The following SMC1A variants were observed in gnomAD, a reference collection of about 807,000 sequenced individuals.
SMC1A encodes structural maintenance of chromosomes protein 1A.
In SMC1A, 4 loss-of-function variants were observed where a neutral mutation model predicts 94.5. The observed-to-expected ratio is 0.04, with a 90% CI of 0.02 to 0.10. SMC1A has a LOEUF of 0.10. SMC1A is among the 10% of genes least tolerant of loss of function. The probability of loss-of-function intolerance (pLI) is 1.00; values close to 1 mark genes in which losing one functional copy is unlikely to be tolerated. For synonymous variants in SMC1A, 345 were observed against 347.7 expected, an observed-to-expected ratio of 0.99 and a Z score of 0.09; for missense variants, 304 against 989.0, an observed-to-expected ratio of 0.31 and a Z score of 9.29.
chrX:53,404,630 A>T (rs1556889385), intron 13 of SMC1A, among the ~76,000 whole-genome samples: 1 of 110,879 alleles, frequency 9.0e-6, no homozygotes, highest in East Asian at 2.8e-4. Context: ...AGTAGCTGGG[A>T]TTACAGGCGC....
chrX:53,404,901 G>A lies in SMC1A; in HGVS notation c.2196+111C>T, dbSNP rs958416050. The A allele has an allele frequency of 3.6e-5, 33 of 906,851 alleles. 1 individual carries two copies. The Admixed American group carries it at 4.2e-4, about 12-fold the overall frequency. 74.7% of individuals were successfully genotyped at this position (906,851 alleles called of 1,213,427 possible). A position where few individuals can be genotyped will look rare whatever the true frequency, so the allele number is the denominator to read the frequency against. Reference sequence around the variant, plus strand: ...CTCTATGCTATACCTGACTCCCTGCGGCAGGCTGGGAGGAGACGGGGAAGT... The same window carrying A: ...CTCTATGCTATACCTGACTCCCTGCAGCAGGCTGGGAGGAGACGGGGAAGT... On this transcript the variant is annotated intron_variant, in intron 13 of 24. Transcript: ENST00000322213.
chrX:53,406,478 A>G (rs2075691482), intron 9 of SMC1A, among the ~76,000 whole-genome samples: 1 of 112,175 alleles, frequency 8.9e-6, no homozygotes, highest in African/African-American at 3.2e-5. Flanking sequence ...AGAGGTTCAG[A>G]GCAAGAGATG....
chrX:53,385,516 C>T (rs2075601489), intron 19 of SMC1A, among the ~76,000 whole-genome samples: 2 of 109,344 alleles, frequency 1.8e-5, no homozygotes, highest in African/African-American at 3.3e-5. Context: ...CCTCGTGATC[C>T]GCCCGCCTAG....
At chrX:53,407,752 T>C (rs1556889959) in intron 9 of SMC1A, among the ~76,000 whole-genome samples, 1 of 111,401 alleles carries the variant, frequency 9.0e-6, no homozygotes. Flanking sequence ...TTGCTTGGTG[T>C]GTGAGGAAAA....
chrX:53,401,445 CTG>C (rs1355915117), intron 15 of SMC1A, among the ~76,000 whole-genome samples: 1 of 112,239 alleles, frequency 8.9e-6, no homozygotes, highest in Non-Finnish European at 1.9e-5. Flanking sequence ...CACAAATCTA[CTG>C]TGTTATAAAT....
At chrX:53,404,457 A>C (rs2075683468) in intron 13 of SMC1A, among the ~76,000 whole-genome samples, 1 of 110,863 alleles carries the variant, frequency 9.0e-6, no homozygotes, top group South Asian at 3.8e-4. Flanking sequence ...TAAGCACTTT[A>C]CATGTTAACT....
chrX:53,400,490 G>T (rs1425564333), intron 15 of SMC1A, among the ~76,000 whole-genome samples: 1 of 111,511 alleles, frequency 9.0e-6, no homozygotes, highest in African/African-American at 3.3e-5. Flanking sequence ...ACCACACCGA[G>T]TCCACGATAA....
chrX:53,399,824 G>C, intron 15 of SMC1A, 94 bp from the exon 16 acceptor site: 1 of 917,712 alleles, frequency 1.1e-6, no homozygotes, highest in South Asian at 2.2e-5. Flanking sequence ...AGGGAAACTA[G>C]ACCCAGGGCT....
chrX:53,418,818 G>A (rs1183914409), intron 1 of SMC1A, among the ~76,000 whole-genome samples: 2 of 111,346 alleles, frequency 1.8e-5, no homozygotes, highest in African/African-American at 3.2e-5. Flanking sequence ...CGAGGCAGGC[G>A]GATCACCTGA....
Position 53,378,491 on chromosome X carries a change from A to G in SMC1A, c.*1612T>C, listed in dbSNP as rs1215225375. The G allele has an allele frequency of 8.9e-6, 1 of 112,575 alleles. No individual in the cohort carries two copies. The highest frequency in any genetic ancestry group is 1.9e-5 in the Non-Finnish European group (1 of 53,322). The allele number at this position is 112,575 out of a possible 1,213,427, so 9.3% of individuals were successfully genotyped here. A position where few individuals can be genotyped will look rare whatever the true frequency, so the allele number is the denominator to read the frequency against. On this transcript the variant is annotated 3_prime_UTR_variant, in exon 25 of 25. Transcript: ENST00000322213. ...ATATATCATTTGCATTAAACACACA[A>G]TATTTCCAATGAGTTCACATATGTA...
chrX:53,396,123 C>T (rs2075650164), intron 18 of SMC1A, 104 bp downstream of exon 18: 1 of 939,932 alleles, frequency 1.1e-6, no homozygotes, highest in East Asian at 3.1e-5. Flanking sequence ...TCACCATCTG[C>T]CCACCATCTT....
chrX:53,414,487 G>A (rs1290079304), intron 3 of SMC1A, among the ~76,000 whole-genome samples: 1 of 111,946 alleles, frequency 8.9e-6, no homozygotes, highest in East Asian at 2.8e-4. Flanking sequence ...GATACTGCTG[G>A]TCTGGAGACT....
chrX:53,382,725 C>T, intron 20 of SMC1A, 65 bp from the exon 21 acceptor site: 2 of 1,159,631 alleles, frequency 1.7e-6, no homozygotes, highest in Admixed American at 4.4e-5. Flanking sequence ...AATGACAATC[C>T]AGAGCAGGAA....
rs782559272 is a variant in SMC1A at position 53,374,326 on chromosome X, T to C, written c.*5777A>G. The C allele has an allele frequency of 8.9e-6, 1 of 111,856 alleles. No homozygotes were observed. Among genetic ancestry groups the C allele is most frequent in the African/African-American group, 3.3e-5 (1 of 30,769 alleles). The allele number at this position is 111,856 out of a possible 1,213,427, so 9.2% of individuals were successfully genotyped here. A position where few individuals can be genotyped will look rare whatever the true frequency, so the allele number is the denominator to read the frequency against. On this transcript the variant is annotated 3_prime_UTR_variant, in exon 25 of 25. Transcript: ENST00000322213. ...AGGCATCTGTTGCTCCCTTCTCTAG[T>C]GCTTCCCAAATTGGTGACTCAACTC...
chrX:53,410,706 CAGG>C (rs1216325304), intron 7 of SMC1A, among the ~76,000 whole-genome samples: 1 of 107,101 alleles, frequency 9.3e-6, no homozygotes, highest in Non-Finnish European at 1.9e-5. Context: ...GAGGCTGAGG[CAGG>C]AGAATTGCTT....
At chrX:53,422,692 G>T (rs1422108609), upstream of SMC1A, 2 of 596,531 alleles carry the variant, frequency 3.4e-6, no homozygotes, top group Non-Finnish European at 5.7e-6. Context: ...GTGCAAGCCG[G>T]GCGACCGGCA....
intron 3 of SMC1A, 34 bp from the exon 4 acceptor site, chrX:53,413,469 C>A (rs782337033): frequency 1.7e-6 from 2 of 1,147,538 alleles, no homozygotes; most frequent in Admixed American, 4.4e-5. Context: ...CCACTTCAGA[C>A]CCCAGCCAAC....
At chrX:53,393,129 T>C (rs1556887497) in intron 19 of SMC1A, among the ~76,000 whole-genome samples, 2 of 111,575 alleles carry the variant, frequency 1.8e-5, no homozygotes, top group East Asian at 5.6e-4. Context: ...GTACACAACA[T>C]CACCTATGAT....
chrX:53,411,603 C>CA (rs782700332), intron 7 of SMC1A, among the ~76,000 whole-genome samples, 158 bp downstream of exon 7: 398 of 108,457 alleles, frequency 3.7e-3, no homozygotes, highest in Non-Finnish European at 6.4e-3. Context: ...AACAAAAAAA[C>CA]AAAAAAAAAG....
Sources: gnomAD v4.1 joint callset for allele counts (sites outside exome capture counted in the v4.1 genomes callset) on GRCh38, gnomAD v4.1.1 for gene constraint, MANE v1.5 for transcripts, NCBI Gene and HGNC (gene_info 2026-07-23, HGNC 2026-07-21) for gene names.